Variants in ARHGAP24 observed in about 807,000 individuals in gnomAD.
ARHGAP24 encodes Rho GTPase activating protein 24.
Under a neutral mutation model 76.4 loss-of-function variants are expected in ARHGAP24, and 50 were observed. The ratio of observed to expected loss-of-function variants is 0.65; its 90% CI spans 0.52 to 0.83. The LOEUF is 0.83. ARHGAP24 is among the 40% of genes least tolerant of loss of function. The probability of loss-of-function intolerance (pLI) is 0.00; values close to 1 mark genes in which losing one functional copy is unlikely to be tolerated. For missense variants in ARHGAP24, 930 were observed against 914.2 expected (o/e 1.02, Z -0.22); for synonymous variants, 345 against 323.3 (o/e 1.07, Z -0.72).
rs937861750 is a variant in ARHGAP24 at position 86,001,700 on chromosome 4, G to A, written c.*978G>A. 1.5e-5 allele frequency: 5 copies of A among 341,604 alleles called. No individual in the cohort carries two copies. The highest frequency in any genetic ancestry group is 1.1e-4 in the African/African-American group (5 of 47,442). The allele number at this position is 341,604 out of a possible 1,614,324, so 21.2% of individuals were successfully genotyped here. On this transcript the variant is annotated 3_prime_UTR_variant, in exon 10 of 10. Coordinates refer to ENST00000395184, the MANE Select transcript of ARHGAP24 (RefSeq NM_001025616.3). Reference sequence around the variant, plus strand: ...ACAACTGCACTTTAGAATACCAGCAGTGAAATGGTATTACTGTTTCCCTCT... The same window carrying A: ...ACAACTGCACTTTAGAATACCAGCAATGAAATGGTATTACTGTTTCCCTCT...
intron 3 of ARHGAP24, among the ~76,000 whole-genome samples, chr4:85,748,556 C>G (rs1358316382): frequency 2.0e-5 from 3 of 151,876 alleles, no homozygotes; most frequent in Non-Finnish European, 4.4e-5. Context: ...AATTAACAGC[C>G]AAGTATTTGG....
chr4:85,684,700 C>T (rs1367146824), intron 2 of ARHGAP24, among the ~76,000 whole-genome samples: 1 of 152,162 alleles, frequency 6.6e-6, no homozygotes. Flanking sequence ...CTGTTCTGTA[C>T]AGTTGATTGA....
chr4:85,929,314 A>C (rs1713079358), intron 4 of ARHGAP24, among the ~76,000 whole-genome samples: 1 of 152,224 alleles, frequency 6.6e-6, no homozygotes, highest in South Asian at 2.1e-4. Flanking sequence ...GATTACCTAC[A>C]TGGGCATGCT....
chr4:85,799,717 A>G (rs778808441), intron 3 of ARHGAP24, among the ~76,000 whole-genome samples: 3 of 152,190 alleles, frequency 2.0e-5, no homozygotes, highest in Non-Finnish European at 4.4e-5. Flanking sequence ...AAAGAGAAAG[A>G]TGCAGCTTTT....
chr4:85,487,511 T>G (rs1233487577), intron 1 of ARHGAP24, among the ~76,000 whole-genome samples: 1 of 109,390 alleles, frequency 9.1e-6, no homozygotes, highest in East Asian at 2.8e-4. Context: ...ACATATTATA[T>G]AAACATATAT....
intron 8 of ARHGAP24, chr4:85,990,787 AC>A (rs1178330051): frequency 6.6e-6 from 1 of 152,002 alleles, no homozygotes; most frequent in Non-Finnish European, 1.5e-5. Flanking sequence ...TGGATCACAG[AC>A]CTAAATGTAG....
At chr4:85,900,656 C>T (rs950630963) in intron 3 of ARHGAP24, among the ~76,000 whole-genome samples, 5 of 152,106 alleles carry the variant, frequency 3.3e-5, no homozygotes, top group Non-Finnish European at 4.4e-5. Context: ...AAACTCCTGA[C>T]CACAGGTGAT....
chr4:85,806,092 T>C (rs1728779606), intron 3 of ARHGAP24, among the ~76,000 whole-genome samples: 1 of 152,204 alleles, frequency 6.6e-6, no homozygotes, highest in South Asian at 2.1e-4. Context: ...TTTCAAAGCT[T>C]TTCAGGAAAC....
intron 1 of ARHGAP24, among the ~76,000 whole-genome samples, chr4:85,483,745 A>G (rs1722909972): frequency 6.6e-6 from 1 of 152,162 alleles, no homozygotes; most frequent in South Asian, 2.1e-4. Flanking sequence ...GCTTCTGATT[A>G]TTTATAACTG....
chr4:85,928,224 C>T (rs2148815057), intron 4 of ARHGAP24, among the ~76,000 whole-genome samples: 1 of 151,682 alleles, frequency 6.6e-6, no homozygotes, highest in South Asian at 2.1e-4. Flanking sequence ...TTCCTTCCTT[C>T]CTTCCTTCCT....
At chr4:85,746,267 A>G (rs1726030118) in intron 3 of ARHGAP24, among the ~76,000 whole-genome samples, 1 of 152,216 alleles carries the variant, frequency 6.6e-6, no homozygotes, top group South Asian at 2.1e-4. Flanking sequence ...TTCCTTGTTA[A>G]GAATCATTTA....
At chr4:85,668,792 G>A (rs1722724776) in intron 2 of ARHGAP24, among the ~76,000 whole-genome samples, 1 of 152,192 alleles carries the variant, frequency 6.6e-6, no homozygotes, top group Non-Finnish European at 1.5e-5. Context: ...AGGGATCATG[G>A]AGGAGTTTAA....
At chr4:85,534,315 C>T (rs1725381466) in intron 1 of ARHGAP24, among the ~76,000 whole-genome samples, 1 of 152,154 alleles carries the variant, frequency 6.6e-6, no homozygotes, top group Non-Finnish European at 1.5e-5. Context: ...CCGTTTCCTG[C>T]AAGTCACATG....
chr4:85,753,989 C>T lies in ARHGAP24; in HGVS notation c.268+32017C>T, dbSNP rs1318018605. Among the ~76,000 whole-genome samples the T allele has an allele frequency of 2.0e-5, 3 of 152,202 alleles. No individual in the cohort carries two copies. In the South Asian group the frequency reaches 6.2e-4, roughly 32 times the overall value. On this transcript the variant is annotated intron_variant, in intron 3 of 9. Transcript: ENST00000395184. Reference sequence around the variant, plus strand: ...GTTGTTAACTATAATTTTTCTATTGCCCTCTATTGAATACTAGAACTTATT... The same window carrying T: ...GTTGTTAACTATAATTTTTCTATTGTCCTCTATTGAATACTAGAACTTATT...
chr4:85,845,098 A>G (rs1730805682), intron 3 of ARHGAP24, among the ~76,000 whole-genome samples: 2 of 152,346 alleles, frequency 1.3e-5, no homozygotes, highest in South Asian at 2.1e-4. Context: ...ACACATTACC[A>G]TAGACAATAT....
At position 85,799,442 on chromosome 4, in the gene ARHGAP24, G is replaced by A. The variant is rs576181797; in HGVS notation, c.268+77470G>A. Among the ~76,000 whole-genome samples the A allele has an allele frequency of 5.9e-5, 9 of 152,108 alleles. No individual in the cohort carries two copies. In the East Asian group the frequency reaches 1.5e-3, roughly 26 times the overall value. On this transcript the variant is annotated intron_variant, in intron 3 of 9. Transcript: ENST00000395184. ...AAGATAGTATCAGATTATAACCCAA[G>A]GACTATGATAAAATTACATGAGTCT...
At chr4:85,878,816 T>A (rs1012743477) in intron 3 of ARHGAP24, among the ~76,000 whole-genome samples, 3 of 152,222 alleles carry the variant, frequency 2.0e-5, no homozygotes, top group Non-Finnish European at 4.4e-5. Context: ...GTCTTCTCCC[T>A]GCAATATAAC....
intron 1 of ARHGAP24, among the ~76,000 whole-genome samples, chr4:85,544,814 A>T (rs968241672): frequency 1.3e-5 from 2 of 152,122 alleles, no homozygotes; most frequent in African/African-American, 4.8e-5. Context: ...CCTGCCTTTC[A>T]TCTTTCTCAG....
At chr4:85,524,967 A>G (rs973623902) in intron 1 of ARHGAP24, among the ~76,000 whole-genome samples, 1 of 152,136 alleles carries the variant, frequency 6.6e-6, no homozygotes. Context: ...TTGCCCCAAT[A>G]CTATTGATTT....
Sources: allele counts gnomAD v4.1 joint callset (sites outside exome capture counted in the v4.1 genomes callset), GRCh38; gene constraint gnomAD v4.1.1; transcripts MANE v1.5; gene names NCBI Gene and HGNC (gene_info 2026-07-23, HGNC 2026-07-21).